Variants in PPM1H observed in about 807,000 individuals in gnomAD.
The protein encoded by PPM1H is protein phosphatase, Mg2+/Mn2+ dependent 1H.
In PPM1H, 27 loss-of-function variants were observed where a neutral mutation model predicts 54.9. The ratio of observed to expected loss-of-function variants is 0.49; its 90% CI spans 0.36 to 0.68. The LOEUF (loss-of-function observed/expected upper bound fraction) is 0.68, where lower values mean the gene tolerates loss of function less well. Ranked by LOEUF, PPM1H falls within the 30% of genes least tolerant of loss-of-function variation. PPM1H has a pLI of 0.00. For missense variants in PPM1H, 596 were observed against 667.8 expected, an observed-to-expected ratio of 0.89 and a Z score of 1.19; for synonymous variants, 305 against 270.8, an observed-to-expected ratio of 1.13 and a Z score of -1.24.
In PPM1H at chr12:62,728,754, G is replaced by A. The variant is rs537346048; in HGVS notation, c.955-8465C>T. On this transcript the variant is annotated intron_variant, in intron 5 of 9. Transcript: ENST00000228705. The stretch of plus-strand genomic sequence containing the variant: ...GCAGGGCAAGGAAAAAAGGGTAGCC[G>A]GAAGCAGGGAACTCAGACCCCAGGG... Among the ~76,000 whole-genome samples, 9 of 152,240 alleles carry A rather than the reference G, an allele frequency of 5.9e-5. No individual in the cohort carries two copies. In the South Asian group the frequency reaches 6.2e-4, roughly 11 times the overall value.
chr12:62,860,329 T>G (rs1038411657), intron 1 of PPM1H, among the ~76,000 whole-genome samples: 2 of 152,112 alleles, frequency 1.3e-5, no homozygotes, highest in Admixed American at 1.3e-4. Flanking sequence ...TTATAGGAAC[T>G]ACAATTCAAG....
At chr12:62,914,101 G>A (rs1871546730) in intron 1 of PPM1H, among the ~76,000 whole-genome samples, 1 of 152,212 alleles carries the variant, frequency 6.6e-6, no homozygotes, top group Admixed American at 6.5e-5. Flanking sequence ...TGAAATTGGA[G>A]CCTAGTGGGA....
At position 62,934,167 on chromosome 12, in the gene PPM1H, C is replaced by G. The variant is rs3741863; in HGVS notation, c.245+325G>C. The G allele has an allele frequency of 0.1, 30,161 of 296,208 alleles. 1,918 individuals carry two copies. Among genetic ancestry groups the G allele is most frequent in the East Asian group, 0.26 (4,181 of 16,246 alleles). The allele number at this position is 296,208 out of a possible 1,614,324, so 18.3% of individuals were successfully genotyped here. On this transcript the variant is annotated intron_variant, in intron 1 of 9. Coordinates refer to ENST00000228705, the MANE Select transcript of PPM1H (RefSeq NM_020700.2). This position sits in a 1 kb window ranked among gnomAD's most constrained non-coding sequence, Gnocchi z 4.2. ...TCCTTATGTGTTTCAAACTTCAGAG[C>G]TTTTCTGCCCGTTTTTTTTCCCCAA...
intron 2 of PPM1H, among the ~76,000 whole-genome samples, chr12:62,819,378 C>T (rs541834201): frequency 2.0e-5 from 3 of 152,230 alleles, no homozygotes; most frequent in South Asian, 2.1e-4. Flanking sequence ...CCACCTGCCT[C>T]GGCCTCCCAA....
At chr12:62,672,410 C>G (rs2075961630) in intron 8 of PPM1H, among the ~76,000 whole-genome samples, 1 of 152,220 alleles carries the variant, frequency 6.6e-6, no homozygotes, top group African/African-American at 2.4e-5. Flanking sequence ...ATCAGCCTTT[C>G]AGGGCCCACT....
chr12:62,910,410 C>T (rs1871419115), intron 1 of PPM1H, among the ~76,000 whole-genome samples: 2 of 151,942 alleles, frequency 1.3e-5, no homozygotes, highest in African/African-American at 2.4e-5. Flanking sequence ...TTTTCAGTAA[C>T]ATAACCAGGG....
chr12:62,876,603 C>A (rs984689945), intron 1 of PPM1H, among the ~76,000 whole-genome samples: 1 of 152,154 alleles, frequency 6.6e-6, no homozygotes, highest in Non-Finnish European at 1.5e-5. Flanking sequence ...TATATGCAGT[C>A]AGATGGGAGA....
intron 4 of PPM1H, among the ~76,000 whole-genome samples, chr12:62,754,635 C>CT (rs1284161760): frequency 1.3e-5 from 2 of 152,212 alleles, no homozygotes; most frequent in African/African-American, 4.8e-5. Flanking sequence ...GCAGCAGTCA[C>CT]TGGTGGTCTA....
chr12:62,668,437 G>A (rs1452952279), intron 8 of PPM1H, among the ~76,000 whole-genome samples: 8 of 152,160 alleles, frequency 5.3e-5, no homozygotes, highest in African/African-American at 9.7e-5. Context: ...GTACAGTGGC[G>A]TGATCTCAGC....
intron 1 of PPM1H, among the ~76,000 whole-genome samples, chr12:62,917,266 G>C (rs996901195): frequency 1.3e-5 from 2 of 152,222 alleles, no homozygotes; most frequent in Admixed American, 6.5e-5. Flanking sequence ...CATTAGCTCT[G>C]TGCCAAGTGG....
At chr12:62,744,321 A>G (rs2076398546) in intron 4 of PPM1H, among the ~76,000 whole-genome samples, 1 of 152,018 alleles carries the variant, frequency 6.6e-6, no homozygotes, top group South Asian at 2.1e-4. Context: ...AAGTATAAAA[A>G]TTAGCTGGGC....
At chr12:62,924,824 T>G (rs765131035) in intron 1 of PPM1H, among the ~76,000 whole-genome samples, 2 of 152,084 alleles carry the variant, frequency 1.3e-5, no homozygotes, top group African/African-American at 2.4e-5. Context: ...GGTGGATCAC[T>G]TGAGCCCAGG....
chr12:62,891,773 A>C (rs1565821557), intron 1 of PPM1H, among the ~76,000 whole-genome samples: 1 of 152,144 alleles, frequency 6.6e-6, no homozygotes, highest in Admixed American at 6.6e-5. Context: ...GGATCACTAT[A>C]CTCTTCAGTG....
chr12:62,827,643 C>G (rs1463810790), intron 2 of PPM1H, among the ~76,000 whole-genome samples: 2 of 152,220 alleles, frequency 1.3e-5, no homozygotes, highest in Non-Finnish European at 2.9e-5. Flanking sequence ...CACAGGAAGA[C>G]ATGCCTCATG....
chr12:62,697,397 A>G (rs1430705067), intron 6 of PPM1H, among the ~76,000 whole-genome samples: 3 of 152,022 alleles, frequency 2.0e-5, no homozygotes, highest in Non-Finnish European at 4.4e-5. Flanking sequence ...GGATTGATCC[A>G]TGTTCTTAGA....
At chr12:62,852,228 C>CCAAAA (rs1869219262) in intron 1 of PPM1H, among the ~76,000 whole-genome samples, 1 of 60,404 alleles carries the variant, frequency 1.7e-5, no homozygotes, top group Non-Finnish European at 3.4e-5. Context: ...GACTCTGTCT[C>CCAAAA]AAAAAAAAAA....
intron 1 of PPM1H, among the ~76,000 whole-genome samples, chr12:62,888,170 T>C (rs1870658240): frequency 6.6e-6 from 1 of 152,082 alleles, no homozygotes; most frequent in Admixed American, 6.6e-5. Flanking sequence ...AGGGGGATGA[T>C]GATGAGACAA....
chr12:62,716,884 G>A (rs1390655451), intron 6 of PPM1H, among the ~76,000 whole-genome samples: 1 of 152,132 alleles, frequency 6.6e-6, no homozygotes, highest in Non-Finnish European at 1.5e-5. Context: ...TCTGCTAGAG[G>A]GTAAAAACAT....
chr12:62,881,020 C>T (rs947894547), intron 1 of PPM1H, among the ~76,000 whole-genome samples: 3 of 152,264 alleles, frequency 2.0e-5, no homozygotes, highest in Admixed American at 1.3e-4. Context: ...CCTCCACCCT[C>T]GAATGGTGTC....
Sources: gnomAD v4.1 joint callset for allele counts (sites outside exome capture counted in the v4.1 genomes callset) on GRCh38, gnomAD v4.1.1 for gene constraint, Gnocchi (gnomAD v3.1) non-coding constraint, MANE v1.5 for transcripts, NCBI Gene and HGNC (gene_info 2026-07-23, HGNC 2026-07-21) for gene names.